The following NCOA3 variants were observed in gnomAD, a reference collection of about 807,000 sequenced individuals.
NCOA3 encodes the protein CBP-interacting protein.
Under a neutral mutation model 158.8 loss-of-function variants are expected in NCOA3, and 51 were observed. That is an observed-to-expected ratio of 0.32 (90% CI 0.26 to 0.41). The LOEUF (loss-of-function observed/expected upper bound fraction) is 0.41. Among genes scored for constraint, NCOA3 ranks in the 10% least tolerant of loss-of-function variants. NCOA3 has a pLI of 1.00. For synonymous variants in NCOA3, 537 were observed against 592.4 expected, an observed-to-expected ratio of 0.91 and a Z score of 1.36; for missense variants, 1,510 against 1,746.6, an observed-to-expected ratio of 0.86 and a Z score of 2.41.
At chr20:47,594,664 CAAAAAAAAAAAAAAAAAAAAA>C (rs377014290) in intron 2 of NCOA3, among the ~76,000 whole-genome samples, 2,155 of 73,084 alleles carry the variant, frequency 0.029, 75 homozygotes, top group Non-Finnish European at 0.037. Context: ...GACTCTGTCT[CAAAAAAAAAAAAAAAAAAAAA>C]AAAAAAAAAA....
At chr20:47,607,701 C>G (rs2085970145) in intron 2 of NCOA3, among the ~76,000 whole-genome samples, 1 of 151,964 alleles carries the variant, frequency 6.6e-6, no homozygotes. Context: ...ATTTTTTTCT[C>G]TCCTATAAAA....
intron 1 of NCOA3, among the ~76,000 whole-genome samples, chr20:47,505,043 T>G (rs6063123): frequency 0.84 from 41,734 of 49,820 alleles, 17,429 homozygotes; most frequent in Non-Finnish European, 0.9. Flanking sequence ...GGCAGGGGCG[T>G]TTTTTTTTTT....
chr20:47,597,783 C>G (rs1344772583), intron 2 of NCOA3, among the ~76,000 whole-genome samples: 1 of 151,884 alleles, frequency 6.6e-6, no homozygotes, highest in East Asian at 1.9e-4. Flanking sequence ...GCCACCGCAC[C>G]TGGCCTAACC....
intron 2 of NCOA3, among the ~76,000 whole-genome samples, chr20:47,598,446 C>A (rs2085800824): frequency 6.6e-6 from 1 of 151,972 alleles, no homozygotes; most frequent in Admixed American, 6.6e-5. Flanking sequence ...CGCGGTTCTC[C>A]TGCCTCAGCC....
intron 2 of NCOA3, among the ~76,000 whole-genome samples, chr20:47,589,564 C>CG (rs1440366827): frequency 2.6e-5 from 4 of 151,436 alleles, no homozygotes; most frequent in Admixed American, 2.6e-4. Context: ...TAAGTAGTGA[C>CG]GGGGTTTTGC....
At chr20:47,538,603 C>T (rs941720910) in intron 1 of NCOA3, among the ~76,000 whole-genome samples, 14 of 151,702 alleles carry the variant, frequency 9.2e-5, no homozygotes, top group Admixed American at 2.6e-4. Context: ...AGTGGTGTGA[C>T]CTCAGCTCAC....
At position 47,577,267 on chromosome 20, in the gene NCOA3, A is replaced by G. The variant is rs146213672; in HGVS notation, c.-98-5916A>G. Among the ~76,000 whole-genome samples, 40 of 152,254 alleles carry G rather than the reference A, an allele frequency of 2.6e-4. 1 individual carries two copies. The highest frequency in any genetic ancestry group is 6.8e-3 in the Middle Eastern group (2 of 294). On this transcript the variant is annotated intron_variant, in intron 1 of 22. Transcript: ENST00000371998. ...TTTTACACAAATGGCCATTTCATAG[A>G]AGGTTTTTTGTCTTTTGCCTTTATT...
At position 47,594,664 on chromosome 20, in the gene NCOA3, C is replaced by CAAAA. The variant is rs377014290; in HGVS notation, c.-20+11431_-20+11434dup. Among the ~76,000 whole-genome samples the CAAAA allele has an allele frequency of 7.0e-3, 509 of 72,900 alleles. 29 individuals carry two copies. Among genetic ancestry groups the CAAAA allele is most frequent in the Non-Finnish European group, 9.4e-3 (382 of 40,696 alleles). 47.8% of individuals were successfully genotyped at this position (72,900 alleles called of 152,430 possible). ...TGGGCGACAGAGCGAGACTCTGTCT[C>CAAAA]AAAAAAAAAAAAAAAAAAAAAAAAA... On this transcript the variant is annotated intron_variant, in intron 2 of 22. Coordinates refer to ENST00000371998, the MANE Select transcript of NCOA3 (RefSeq NM_181659.3).
intron 1 of NCOA3, among the ~76,000 whole-genome samples, chr20:47,514,143 T>G (rs2084191795): frequency 6.6e-6 from 1 of 152,074 alleles, no homozygotes; most frequent in South Asian, 2.1e-4. Flanking sequence ...CAACTCTCTT[T>G]AAGTCAACAT....
chr20:47,614,519 C>A (rs56102199), intron 2 of NCOA3, among the ~76,000 whole-genome samples: 35,037 of 151,950 alleles, frequency 0.23, 4,182 homozygotes, highest in Middle Eastern at 0.3. Flanking sequence ...CACCAAACCT[C>A]TCTCTAATTA....
intron 8 of NCOA3, among the ~76,000 whole-genome samples, chr20:47,629,573 C>G (rs559177645): frequency 6.6e-6 from 1 of 152,146 alleles, no homozygotes; most frequent in Admixed American, 6.5e-5. Flanking sequence ...TCAGGTAATC[C>G]GCCTGCCTCG....
chr20:47,639,029 T>A lies in NCOA3; in HGVS notation c.2534T>A (p.Val845Glu). ...ACAGGTTTGAAAAGTTCACAGTCTG[T>A]GCAGTCTATTCGTCCTCCATATAAC... Reference protein sequence around the residue: ...NSLGLKSSQSVQSIRPPYNRA... With the variant: ...NSLGLKSSQSEQSIRPPYNRA... Residue 845 changes from valine to glutamate, a missense_variant, in exon 14 of 23, where the codon GTG (valine) becomes GAG (glutamate). Physicochemically the swap from Val to Glu is moderately radical, Grantham distance 121. Around this residue, in one of 4 missense-constraint regions of NCOA3, gnomAD observed 1,017 missense variants for 1,098.3 expected, o/e 0.93. Transcript: ENST00000371998. 1 of 1,613,084 alleles carries A rather than the reference T, an allele frequency of 6.2e-7. No homozygotes were observed. The highest frequency in any genetic ancestry group is 8.5e-7 in the Non-Finnish European group (1 of 1,179,676).
chr20:47,623,888 C>T (rs763360134), intron 3 of NCOA3, 23 bp from the exon 4 acceptor site: 1 of 1,596,528 alleles, frequency 6.3e-7, no homozygotes, highest in Non-Finnish European at 8.5e-7. Flanking sequence ...TCCTTTCCCC[C>T]CTTTCTACGC....
chr20:47,520,858 A>G (rs1398850569), intron 1 of NCOA3, among the ~76,000 whole-genome samples: 1 of 152,162 alleles, frequency 6.6e-6, no homozygotes, highest in Non-Finnish European at 1.5e-5. Flanking sequence ...TGCTGGTATA[A>G]ATCCCACGGC....
intron 11 of NCOA3, 25 bp from the exon 12 acceptor site, chr20:47,635,866 T>C (rs537576511): frequency 6.4e-7 from 1 of 1,568,248 alleles, no homozygotes; most frequent in Non-Finnish European, 8.6e-7. Flanking sequence ...TCTAATTCTT[T>C]TCCTAAATTT....
At chr20:47,569,246 C>G (rs956113030) in intron 1 of NCOA3, among the ~76,000 whole-genome samples, 1 of 151,802 alleles carries the variant, frequency 6.6e-6, no homozygotes, top group Non-Finnish European at 1.5e-5. Context: ...ACTCGGGAGG[C>G]TGAGGTGGGA....
intron 2 of NCOA3, among the ~76,000 whole-genome samples, chr20:47,618,209 T>G (rs541695507): frequency 1.6e-4 from 25 of 152,114 alleles, no homozygotes; most frequent in Admixed American, 1.4e-3. Flanking sequence ...CACTCCAGCC[T>G]GGGTGACAGA....
intron 18 of NCOA3, among the ~76,000 whole-genome samples, chr20:47,647,886 G>GTT (rs140010942): frequency 4.6e-5 from 6 of 130,734 alleles, no homozygotes; most frequent in African/African-American, 8.0e-5. Context: ...AATGCCTGAG[G>GTT]TTTTTTTTTT....
At chr20:47,565,494 C>T (rs931798632) in intron 1 of NCOA3, among the ~76,000 whole-genome samples, 3 of 152,118 alleles carry the variant, frequency 2.0e-5, no homozygotes, top group Middle Eastern at 3.2e-3. Context: ...GTGGGCAGAT[C>T]GCGTGAGCCC....
Sources: gnomAD v4.1 joint callset for allele counts (sites outside exome capture counted in the v4.1 genomes callset) on GRCh38, gnomAD v4.1.1 for gene constraint, gnomAD v4.1.1 regional missense constraint, MANE v1.5 for transcripts, NCBI Gene and HGNC (gene_info 2026-07-23, HGNC 2026-07-21) for gene names.